Variants in NAP1L1 observed in about 807,000 individuals in gnomAD.
NAP1L1 encodes nucleosome assembly protein 1 like 1, also known as nucleosome assembly protein 1-like 1.
In NAP1L1, 9 loss-of-function variants were observed where a neutral mutation model predicts 58.9. That is an observed-to-expected ratio of 0.15 (90% CI 0.09 to 0.27). The LOEUF (loss-of-function observed/expected upper bound fraction) is 0.27. Among genes scored for constraint, NAP1L1 ranks in the 10% least tolerant of loss-of-function variants. The pLI, the probability that NAP1L1 is intolerant of heterozygous loss-of-function variation, is 1.00. For synonymous variants in NAP1L1, 130 were observed against 138.3 expected (o/e 0.94, Z 0.42); for missense variants, 302 against 458.8 (o/e 0.66, Z 3.12).
chr12:76,039,001 A>C lies in NAP1L1; in HGVS notation c.*9428T>G, dbSNP rs574272998. Reference sequence around the variant, plus strand: ...CCTTGGGCAAAGCAGGACTCCAATCATAATTAATCCTTTTGGGCCGTATTT... The same window carrying C: ...CCTTGGGCAAAGCAGGACTCCAATCCTAATTAATCCTTTTGGGCCGTATTT... On this transcript the variant is annotated 3_prime_UTR_variant, in exon 15 of 15. Coordinates refer to ENST00000618691, the MANE Select transcript of NAP1L1 (RefSeq NM_004537.7). 1 of 152,342 alleles carries C rather than the reference A, an allele frequency of 6.6e-6. No homozygotes were observed. Among genetic ancestry groups the C allele is most frequent in the Admixed American group, 6.5e-5 (1 of 15,294 alleles). The allele number at this position is 152,342 out of a possible 1,614,324, so 9.4% of individuals were successfully genotyped here.
intron 1 of NAP1L1, among the ~76,000 whole-genome samples, chr12:76,076,592 A>ATATATC (rs1565747788): frequency 3.6e-5 from 5 of 139,700 alleles, no homozygotes; most frequent in Admixed American, 7.2e-5. Context: ...ATATATATAT[A>ATATATC]TCTCCACTCA....
intron 8 of NAP1L1, among the ~76,000 whole-genome samples, chr12:76,054,256 C>T (rs776513483): frequency 3.3e-5 from 5 of 149,380 alleles, no homozygotes; most frequent in African/African-American, 7.3e-5. Context: ...TATTGACCTC[C>T]GGACCTCAAG....
intron 1 of NAP1L1, among the ~76,000 whole-genome samples, chr12:76,082,652 T>C (rs993647158): frequency 2.0e-5 from 3 of 152,226 alleles, no homozygotes; most frequent in Non-Finnish European, 4.4e-5. Context: ...AGAACTAAAC[T>C]ATAGATTTAG....
rs1193208399 is a variant in NAP1L1, at chr12:76,039,400, G to A, written c.*9029C>T. The A allele has an allele frequency of 6.6e-6, 1 of 152,226 alleles. No individual in the cohort carries two copies. The highest frequency in any genetic ancestry group is 1.5e-5 in the Non-Finnish European group (1 of 68,086). The allele number at this position is 152,226 out of a possible 1,614,324, so 9.4% of individuals were successfully genotyped here. Reference sequence around the variant, plus strand: ...AAAAGTAGAATGAAAGTCTGCCTGAGAACCATGAAGCTCCCATATCAGTCC... The same window carrying A: ...AAAAGTAGAATGAAAGTCTGCCTGAAAACCATGAAGCTCCCATATCAGTCC... On this transcript the variant is annotated 3_prime_UTR_variant, in exon 15 of 15. Transcript: ENST00000618691.
In NAP1L1 at chr12:76,039,142, T is replaced by C. The variant is rs1457740899; in HGVS notation, c.*9287A>G. The C allele has an allele frequency of 6.6e-6, 1 of 152,348 alleles. No homozygotes were observed. The highest frequency in any genetic ancestry group is 1.9e-4 in the East Asian group (1 of 5,196). The allele number at this position is 152,348 out of a possible 1,614,324, so 9.4% of individuals were successfully genotyped here. ...TTTTCTAAATCAACTTATTTCGACATATGTGGCCAATGTGGCTGTCATCCT... is the reference window on the plus strand; with the variant it reads ...TTTTCTAAATCAACTTATTTCGACACATGTGGCCAATGTGGCTGTCATCCT... On this transcript the variant is annotated 3_prime_UTR_variant, in exon 15 of 15. Coordinates refer to ENST00000618691, the MANE Select transcript of NAP1L1 (RefSeq NM_004537.7).
chr12:76,063,488 C>A (rs1377131030), intron 4 of NAP1L1, among the ~76,000 whole-genome samples: 2 of 152,110 alleles, frequency 1.3e-5, no homozygotes, highest in Admixed American at 6.6e-5. Context: ...CTAAGAAATG[C>A]AACTAATAAT....
Position 76,047,250 on chromosome 12 carries a change from T to C in NAP1L1, c.*1179A>G, listed in dbSNP as rs1948627947. 6.6e-6 allele frequency: 1 copy of C among 152,460 alleles called. No homozygotes were observed. Among genetic ancestry groups the C allele is most frequent in the African/African-American group, 2.4e-5 (1 of 41,428 alleles). 9.4% of individuals were successfully genotyped at this position (152,460 alleles called of 1,614,324 possible). A position where few individuals can be genotyped will look rare whatever the true frequency, so the allele number is the denominator to read the frequency against. On this transcript the variant is annotated 3_prime_UTR_variant, in exon 15 of 15. Coordinates refer to ENST00000618691, the MANE Select transcript of NAP1L1 (RefSeq NM_004537.7). ...GTAGTTAGGTAAACAGTACTACCCA[T>C]TTTAATTACACAGTAAACAGAAGCA... is the stretch of plus-strand genomic sequence containing the variant.
intron 13 of NAP1L1, 126 bp downstream of exon 13, chr12:76,049,630 C>A: frequency 6.5e-7 from 1 of 1,526,830 alleles, no homozygotes; most frequent in Non-Finnish European, 8.9e-7. Context: ...ATTCTAAAAT[C>A]ATGTTTTCCA....
At chr12:76,053,148 G>A in intron 10 of NAP1L1, 38 bp from the exon 11 acceptor site, 1 of 1,612,198 alleles carries the variant, frequency 6.2e-7, no homozygotes, top group East Asian at 2.2e-5. Context: ...TGAATAAGAA[G>A]CTAAGCAATG....
intron 14 of NAP1L1, chr12:76,048,997 C>CA (rs535767431): frequency 3.6e-6 from 2 of 562,668 alleles, no homozygotes; most frequent in African/African-American, 3.8e-5. Flanking sequence ...GAAGTCCAAA[C>CA]AAAAAACAAT....
chr12:76,071,744 A>C (rs190197292), intron 2 of NAP1L1, among the ~76,000 whole-genome samples: 2 of 152,296 alleles, frequency 1.3e-5, no homozygotes, highest in Admixed American at 1.3e-4. Context: ...AAATCATTAG[A>C]TCTTCTCTAC....
rs910424004 is a variant in NAP1L1, at chr12:76,045,677, A to C, written c.*2752T>G. ...TCAGTAAGCTAGATTTACTAATTTA[A>C]GAATCCTAAGAAATTATATATGTGG... is the stretch of plus-strand genomic sequence containing the variant. On this transcript the variant is annotated 3_prime_UTR_variant, in exon 15 of 15. Transcript: ENST00000618691. 6.6e-6 allele frequency: 1 copy of C among 152,088 alleles called. No individual in the cohort carries two copies. The highest frequency in any genetic ancestry group is 2.4e-5 in the African/African-American group (1 of 41,442). 9.4% of individuals were successfully genotyped at this position (152,088 alleles called of 1,614,324 possible). A position where few individuals can be genotyped will look rare whatever the true frequency, so the allele number is the denominator to read the frequency against.
rs1372873241 is a variant in NAP1L1 at position 76,043,357 on chromosome 12, C to T, written c.*5072G>A. Reference sequence around the variant, plus strand: ...CAGCCTGGCCAACATGGTGAAACACCTCTCAACAAATGTAAAAATTAGCTG... The same window carrying T: ...CAGCCTGGCCAACATGGTGAAACACTTCTCAACAAATGTAAAAATTAGCTG... On this transcript the variant is annotated 3_prime_UTR_variant, in exon 15 of 15. Coordinates refer to ENST00000618691, the MANE Select transcript of NAP1L1 (RefSeq NM_004537.7). 5 of 151,874 alleles carry T rather than the reference C, an allele frequency of 3.3e-5. No homozygotes were observed. The highest frequency in any genetic ancestry group is 4.4e-5 in the Non-Finnish European group (3 of 68,030). 9.4% of individuals were successfully genotyped at this position (151,874 alleles called of 1,614,324 possible).
intron 2 of NAP1L1, among the ~76,000 whole-genome samples, chr12:76,073,650 A>G (rs960585553): frequency 6.6e-6 from 1 of 152,176 alleles, no homozygotes; most frequent in Non-Finnish European, 1.5e-5. Flanking sequence ...TCAGATTTTC[A>G]AAATTAAACA....
chr12:76,059,602 A>C, intron 6 of NAP1L1, 196 bp downstream of exon 6: 6 of 508,114 alleles, frequency 1.2e-5, no homozygotes, highest in South Asian at 1.1e-4. Context: ...GCTTATTGCC[A>C]TGCAAATTAC....
At chr12:76,055,829 T>C (rs1949061100) in intron 7 of NAP1L1, among the ~76,000 whole-genome samples, 1 of 152,186 alleles carries the variant, frequency 6.6e-6, no homozygotes, top group African/African-American at 2.4e-5. Context: ...AATGGGACCA[T>C]TTCATTATCT....
chr12:76,069,079 A>G (rs970834431), intron 2 of NAP1L1, 85 bp from the exon 3 acceptor site: 1 of 933,342 alleles, frequency 1.1e-6, no homozygotes. Flanking sequence ...CATTTTCAAA[A>G]TTAGTATCTC....
rs1275446341 is a variant in NAP1L1, at chr12:76,038,604, CAG to C, written c.*9823_*9824del. 6.6e-6 allele frequency: 1 copy of C among 152,076 alleles called. No homozygotes were observed. Among genetic ancestry groups the C allele is most frequent in the East Asian group, 1.9e-4 (1 of 5,198 alleles). The allele number at this position is 152,076 out of a possible 1,614,324, so 9.4% of individuals were successfully genotyped here. On this transcript the variant is annotated 3_prime_UTR_variant, in exon 15 of 15. Coordinates refer to ENST00000618691, the MANE Select transcript of NAP1L1 (RefSeq NM_004537.7). The stretch of plus-strand genomic sequence containing the variant: ...TACTTTAGAAGAACAACTCAGGCTT[CAG>C]AGAGGGTAAGTTTCATTACAGACAA...
At chr12:76,051,968 C>T (rs192035576) in intron 11 of NAP1L1, among the ~76,000 whole-genome samples, 68 of 151,730 alleles carry the variant, frequency 4.5e-4, no homozygotes, top group South Asian at 1.3e-3. Flanking sequence ...GAGTGGAGAT[C>T]GCACCACTGC....
Sources: gnomAD v4.1 joint callset for allele counts (sites outside exome capture counted in the v4.1 genomes callset) on GRCh38, gnomAD v4.1.1 for gene constraint, MANE v1.5 for transcripts, NCBI Gene and HGNC (gene_info 2026-07-23, HGNC 2026-07-21) for gene names.